The following CNTNAP4 variants were observed in gnomAD, a reference collection of about 807,000 sequenced individuals.
The protein encoded by CNTNAP4 is contactin-associated protein-like 4.
CNTNAP4 carries 98 observed loss-of-function variants against 148.4 expected under a neutral mutation model. The ratio of observed to expected loss-of-function variants is 0.66; its 90% confidence interval spans 0.56 to 0.78. The LOEUF (loss-of-function observed/expected upper bound fraction) is 0.78, where lower values mean the gene tolerates loss of function less well. Among genes scored for constraint, CNTNAP4 ranks in the 30% least tolerant of loss-of-function variants. The probability of loss-of-function intolerance (pLI) is 0.00; values close to 1 mark genes in which losing one functional copy is unlikely to be tolerated. For missense variants in CNTNAP4, 1,935 were observed against 1,565.6 expected, an observed-to-expected ratio of 1.24 and a Z score of -3.98; for synonymous variants, 730 against 565.1, an observed-to-expected ratio of 1.29 and a Z score of -4.14.
intron 17 of CNTNAP4, among the ~76,000 whole-genome samples, chr16:76,528,101 AC>A (rs1324536251): frequency 6.6e-6 from 1 of 152,222 alleles, no homozygotes; most frequent in African/African-American, 2.4e-5. Flanking sequence ...AATTTCAATA[AC>A]ATGGAAATAT....
At chr16:76,339,940 T>G (rs1964331898) in intron 2 of CNTNAP4, among the ~76,000 whole-genome samples, 1 of 152,190 alleles carries the variant, frequency 6.6e-6, no homozygotes, top group African/African-American at 2.4e-5. Flanking sequence ...AAAGTTGATA[T>G]TTTAACTGCA....
At chr16:76,351,764 C>T (rs971098368) in intron 2 of CNTNAP4, among the ~76,000 whole-genome samples, 5 of 152,184 alleles carry the variant, frequency 3.3e-5, no homozygotes, top group African/African-American at 1.2e-4. Flanking sequence ...CTGTGAGCAG[C>T]GCTAGGAAGA....
intron 6 of CNTNAP4, 97 bp from the exon 7 acceptor site, chr16:76,449,618 C>T: frequency 1.0e-6 from 1 of 992,244 alleles, no homozygotes; most frequent in Non-Finnish European, 1.4e-6. Flanking sequence ...AAAAATTGAT[C>T]TGTGTGTGAT....
intron 2 of CNTNAP4, among the ~76,000 whole-genome samples, chr16:76,340,252 A>G (rs909128144): frequency 2.6e-5 from 4 of 152,168 alleles, no homozygotes; most frequent in Non-Finnish European, 4.4e-5. Flanking sequence ...AAGCAGGAAC[A>G]TAGCTGCCCA....
intron 3 of CNTNAP4, among the ~76,000 whole-genome samples, chr16:76,407,645 T>C (rs2078640922): frequency 6.6e-6 from 1 of 152,068 alleles, no homozygotes; most frequent in Admixed American, 6.6e-5. Context: ...AATCTTATAA[T>C]AAAACATTAA....
At chr16:76,353,464 C>G (rs889971525) in intron 2 of CNTNAP4, among the ~76,000 whole-genome samples, 2 of 152,206 alleles carry the variant, frequency 1.3e-5, no homozygotes, top group Non-Finnish European at 2.9e-5. Context: ...GGACTGGTCA[C>G]TTTCCTTTCT....
At chr16:76,370,604 A>G (rs894293052) in intron 3 of CNTNAP4, among the ~76,000 whole-genome samples, 2 of 152,156 alleles carry the variant, frequency 1.3e-5, no homozygotes, top group Non-Finnish European at 2.9e-5. Context: ...TCAGCCCTCT[A>G]ATGTTTTGGG....
At chr16:76,414,547 C>A (rs1012942161) in intron 3 of CNTNAP4, among the ~76,000 whole-genome samples, 1 of 151,224 alleles carries the variant, frequency 6.6e-6, no homozygotes, top group Non-Finnish European at 1.5e-5. Context: ...ACAAAACAAG[C>A]TGGGAAGCAT....
intron 19 of CNTNAP4, 56 bp downstream of exon 19, chr16:76,538,396 T>C (rs2144270008): frequency 7.9e-7 from 1 of 1,266,074 alleles, no homozygotes; most frequent in African/African-American, 1.5e-5. Flanking sequence ...AGCTCTGTAA[T>C]AATATGGATC....
intron 10 of CNTNAP4, chr16:76,469,645 T>C (rs1179159798): frequency 6.6e-6 from 1 of 152,222 alleles, no homozygotes; most frequent in Non-Finnish European, 1.5e-5. Context: ...TTGCCTACTT[T>C]CTGAAGGTAC....
chr16:76,424,928 C>T (rs4398133), intron 3 of CNTNAP4, among the ~76,000 whole-genome samples: 59,272 of 151,964 alleles, frequency 0.39, 11,743 homozygotes, highest in Middle Eastern at 0.49. Flanking sequence ...TTGAAATAAT[C>T]GATTTTTTAG....
chr16:76,534,870 A>G (rs2144238435), intron 17 of CNTNAP4, among the ~76,000 whole-genome samples: 1 of 152,340 alleles, frequency 6.6e-6, no homozygotes, highest in East Asian at 1.9e-4. Context: ...TGATAGGTAC[A>G]TATGGTTATG....
chr16:76,309,898 T>C (rs1217914126), intron 1 of CNTNAP4: 5 of 701,876 alleles, frequency 7.1e-6, no homozygotes, highest in Non-Finnish European at 1.3e-5. Context: ...TTCCCAGCTA[T>C]GTGGAACTGT....
chr16:76,323,066 C>G (rs984401554), intron 2 of CNTNAP4, among the ~76,000 whole-genome samples: 2 of 151,978 alleles, frequency 1.3e-5, no homozygotes, highest in Non-Finnish European at 1.5e-5. Context: ...AGGCTGATTT[C>G]GAACTCCTGA....
intron 23 of CNTNAP4, among the ~76,000 whole-genome samples, chr16:76,555,806 G>C (rs1187834938): frequency 6.6e-6 from 1 of 152,188 alleles, no homozygotes; most frequent in Non-Finnish European, 1.5e-5. Context: ...AATATGGAAG[G>C]TTTGTAGTTC....
chr16:76,292,358 T>C (rs999197702), intron 1 of CNTNAP4, among the ~76,000 whole-genome samples: 1 of 152,214 alleles, frequency 6.6e-6, no homozygotes, highest in Non-Finnish European at 1.5e-5. Context: ...TGGTGGTGGG[T>C]ACAGACTGTC....
chr16:76,376,087 TA>T (rs1372766483), intron 3 of CNTNAP4, among the ~76,000 whole-genome samples: 2 of 149,694 alleles, frequency 1.3e-5, no homozygotes, highest in African/African-American at 2.5e-5. Flanking sequence ...AGGAGAGAGT[TA>T]GGGGGAGGGA....
chr16:76,441,123 G>A lies in CNTNAP4; in HGVS notation c.539-6889G>A, dbSNP rs552982881. ...CTTAGAAATCATTCAATACCCAGCC[G>A]TGATACAAAAGCGGAACTCTGAAGA... On this transcript the variant is annotated intron_variant, in intron 4 of 23. Coordinates refer to ENST00000611870, the MANE Select transcript of CNTNAP4 (RefSeq NM_033401.5). Among the ~76,000 whole-genome samples the A allele has an allele frequency of 3.9e-5, 6 of 152,170 alleles. No individual in the cohort carries two copies. In the South Asian group the frequency reaches 8.3e-4, roughly 21 times the overall value.
At chr16:76,415,232 C>T (rs2078933656) in intron 3 of CNTNAP4, among the ~76,000 whole-genome samples, 2 of 151,064 alleles carry the variant, frequency 1.3e-5, no homozygotes, top group African/African-American at 4.8e-5. Context: ...ACCACTGTTT[C>T]CTCATTTATA....
Sources: allele counts gnomAD v4.1 joint callset (sites outside exome capture counted in the v4.1 genomes callset), GRCh38; gene constraint gnomAD v4.1.1; transcripts MANE v1.5; gene names NCBI Gene and HGNC (gene_info 2026-07-23, HGNC 2026-07-21).